The following WASF1 variants were observed in gnomAD, a reference collection of about 807,000 sequenced individuals.
WASF1 encodes the protein actin-binding protein WASF1.
A neutral mutation model predicts 50.5 loss-of-function variants in WASF1; 7 were observed. That is an observed-to-expected ratio of 0.14 (90% CI 0.08 to 0.26). WASF1 has a LOEUF of 0.26. Among genes scored for constraint, WASF1 ranks in the 10% least tolerant of loss-of-function variants. WASF1 has a pLI of 1.00. For missense variants in WASF1, 470 were observed against 694.7 expected (o/e 0.68, Z 3.64); for synonymous variants, 205 against 244.0 (o/e 0.84, Z 1.49).
At chr6:110,178,445 GAATAACC>G (rs1427833182) in intron 2 of WASF1, among the ~76,000 whole-genome samples, 146 bp downstream of exon 2, 1 of 152,100 alleles carries the variant, frequency 6.6e-6, no homozygotes, top group Non-Finnish European at 1.5e-5. Context: ...TAGACGGATT[GAATAACC>G]AATAAGTCAA....
chr6:110,151,480 AATT>A (rs1381831131), intron 3 of WASF1, among the ~76,000 whole-genome samples: 3 of 152,222 alleles, frequency 2.0e-5, no homozygotes, highest in African/African-American at 7.2e-5. Context: ...TTATAAAAAC[AATT>A]ATTTCCCACA....
chr6:110,132,963 TAC>T (rs142466639), intron 3 of WASF1, among the ~76,000 whole-genome samples: 269 of 129,634 alleles, frequency 2.1e-3, no homozygotes, highest in African/African-American at 3.5e-3. Flanking sequence ...CCATGGTGTA[TAC>T]ACACACACAC....
chr6:110,164,740 G>C (rs11751590), intron 2 of WASF1, among the ~76,000 whole-genome samples: 35,113 of 151,426 alleles, frequency 0.23, 6,177 homozygotes, highest in African/African-American at 0.49. Flanking sequence ...ATACAAAAAT[G>C]TCAACATCGA....
chr6:110,127,689 T>G, intron 3 of WASF1, 60 bp from the exon 4 acceptor site: 1 of 1,359,056 alleles, frequency 7.4e-7, no homozygotes, highest in Non-Finnish European at 9.6e-7. Context: ...GAATGAGACT[T>G]TATTTTTCAT....
intron 4 of WASF1, among the ~76,000 whole-genome samples, chr6:110,115,970 C>T (rs1308491357): frequency 6.6e-6 from 1 of 152,018 alleles, no homozygotes; most frequent in Admixed American, 6.6e-5. Flanking sequence ...AGACAGCACA[C>T]CAGAGGAATT....
chr6:110,103,791 T>C (rs180886672), intron 8 of WASF1, among the ~76,000 whole-genome samples: 2 of 152,350 alleles, frequency 1.3e-5, no homozygotes, highest in East Asian at 3.9e-4. Context: ...TCGGTTATTT[T>C]ATTATTTTAT....
At position 110,142,975 on chromosome 6, in the gene WASF1, T is replaced by TAAAAAAAAAAAAAAAAA. The variant is rs1396721363; in HGVS notation, c.-28-15347_-28-15346insTTTTTTTTTTTTTTTTT. On this transcript the variant is annotated intron_variant, in intron 3 of 10. Coordinates refer to ENST00000392589, the MANE Select transcript of WASF1 (RefSeq NM_003931.3). ...TGTAAAAAAAAAAAAAAAAAAAAAC[T>TAAAAAAAAAAAAAAAAA]AAAGCAATTCCCAAGTTTCTTCGTT... is the stretch of plus-strand genomic sequence containing the variant. 1.4e-3 allele frequency among the ~76,000 whole-genome samples: 140 copies of TAAAAAAAAAAAAAAAAA among 97,742 alleles called. 1 individual carries two copies. The highest frequency in any genetic ancestry group is 3.5e-3 in the East Asian group (11 of 3,104). The allele number at this position is 97,742 out of a possible 152,430, so 64.1% of individuals were successfully genotyped here. A position where few individuals can be genotyped will look rare whatever the true frequency, so the allele number is the denominator to read the frequency against.
chr6:110,154,963 A>C (rs1775995119), intron 3 of WASF1, among the ~76,000 whole-genome samples: 1 of 152,096 alleles, frequency 6.6e-6, no homozygotes, highest in South Asian at 2.1e-4. Context: ...AAGATATAAA[A>C]GGACATAATA....
chr6:110,119,613 A>G (rs1406588283), intron 4 of WASF1, among the ~76,000 whole-genome samples: 1 of 152,242 alleles, frequency 6.6e-6, no homozygotes, highest in Non-Finnish European at 1.5e-5. Context: ...CCAGAGGTAA[A>G]AAGAAGAGCT....
chr6:110,141,802 C>T (rs191833604), intron 3 of WASF1, among the ~76,000 whole-genome samples: 1,629 of 151,448 alleles, frequency 0.011, 25 homozygotes, highest in Non-Finnish European at 0.018. Flanking sequence ...GTCGGAGTCT[C>T]GCTCTGTCAC....
chr6:110,101,435 A>G (rs1773079107), intron 10 of WASF1, among the ~76,000 whole-genome samples, 153 bp downstream of exon 10: 1 of 152,252 alleles, frequency 6.6e-6, no homozygotes, highest in African/African-American at 2.4e-5. Context: ...AATTTTAAAT[A>G]TAAGTTGGAT....
At chr6:110,113,262 T>C (rs1487753083) in intron 5 of WASF1, 64 bp downstream of exon 5, 18 of 1,339,046 alleles carry the variant, frequency 1.3e-5, no homozygotes, top group Non-Finnish European at 1.6e-5. Context: ...CTGTTAAGTA[T>C]ATCATTCATC....
In WASF1 at chr6:110,127,585, C is replaced by A; in HGVS notation, c.17G>T (p.Arg6Ile). 6.4e-7 allele frequency: 1 copy of A among 1,566,274 alleles called. No homozygotes were observed. The highest frequency in any genetic ancestry group is 8.6e-7 in the Non-Finnish European group (1 of 1,157,408). The part of the protein sequence containing the change: MPLVK[R>I]NIDPRHLCHT... ...GCACAAGTGCCTAGGATCGATGTTT[C>A]TTTTCACTAGCGGCATCTTGAGATT... Residue 6 changes from arginine (R) to isoleucine (I), a missense_variant, in exon 4 of 11, where the codon AGA becomes ATA. Arg to Ile is a moderately conservative substitution (Grantham distance 97, BLOSUM62 -3). Transcript: ENST00000392589.
intron 3 of WASF1, among the ~76,000 whole-genome samples, chr6:110,144,037 C>T (rs1190437018): frequency 3.9e-5 from 6 of 152,176 alleles, no homozygotes; most frequent in African/African-American, 1.2e-4. Flanking sequence ...GGAATCACCA[C>T]ACCGACTTCC....
chr6:110,115,917 A>C (rs1043185569), intron 4 of WASF1, among the ~76,000 whole-genome samples: 2 of 152,206 alleles, frequency 1.3e-5, no homozygotes, highest in East Asian at 1.9e-4. Flanking sequence ...GTGGGGATGA[A>C]GCGTGGCAAG....
intron 3 of WASF1, among the ~76,000 whole-genome samples, chr6:110,147,218 C>T (rs1039722543): frequency 7.3e-5 from 11 of 151,618 alleles, no homozygotes; most frequent in Non-Finnish European, 1.5e-4. Flanking sequence ...TGGTGGCGGG[C>T]GCCTGTAGTC....
chr6:110,108,790 T>G, intron 5 of WASF1, 109 bp from the exon 6 acceptor site: 1 of 1,039,676 alleles, frequency 9.6e-7, no homozygotes, highest in Non-Finnish European at 1.4e-6. Flanking sequence ...CTCAAGAGGT[T>G]GTGACCTTAG....
At chr6:110,176,413 C>T (rs929023231) in intron 2 of WASF1, among the ~76,000 whole-genome samples, 3 of 151,744 alleles carry the variant, frequency 2.0e-5, no homozygotes, top group African/African-American at 4.8e-5. Flanking sequence ...TCAAAGACTA[C>T]TAACATATAC....
intron 2 of WASF1, among the ~76,000 whole-genome samples, chr6:110,165,252 T>A (rs1584028297): frequency 1.3e-5 from 2 of 151,870 alleles, no homozygotes; most frequent in Non-Finnish European, 3.0e-5. Flanking sequence ...TGGTACAGAA[T>A]GTTAATAGGC....
Sources: allele counts gnomAD v4.1 joint callset (sites outside exome capture counted in the v4.1 genomes callset), GRCh38; gene constraint gnomAD v4.1.1; transcripts MANE v1.5; gene names NCBI Gene and HGNC (gene_info 2026-07-23, HGNC 2026-07-21).